FSTL4: variants seen among roughly 807,000 people sequenced by gnomAD.
FSTL4 encodes the protein follistatin-related protein 4.
In FSTL4, 28 loss-of-function variants were observed where a neutral mutation model predicts 78.2. The ratio of observed to expected loss-of-function variants is 0.36; its 90% CI spans 0.27 to 0.49. FSTL4 has a LOEUF of 0.49. Among genes scored for constraint, FSTL4 ranks in the 20% least tolerant of loss-of-function variants. The pLI is 0.98. For synonymous variants in FSTL4, 422 were observed against 440.5 expected, an observed-to-expected ratio of 0.96 and a Z score of 0.53; for missense variants, 922 against 1,084.9, an observed-to-expected ratio of 0.85 and a Z score of 2.11.
intron 4 of FSTL4, among the ~76,000 whole-genome samples, chr5:133,371,900 C>G (rs1755314272): frequency 6.6e-6 from 1 of 152,218 alleles, no homozygotes; most frequent in Non-Finnish European, 1.5e-5. Context: ...TTGTCCACTC[C>G]CAGGGACGGG....
chr5:133,265,274 C>T (rs7735052), intron 6 of FSTL4, among the ~76,000 whole-genome samples: 4,119 of 152,248 alleles, frequency 0.027, 182 homozygotes, highest in African/African-American at 0.095. Context: ...GCGGAACTGC[C>T]GGCCACTCTC....
chr5:133,279,746 C>T (rs558394193), intron 6 of FSTL4, among the ~76,000 whole-genome samples: 1 of 152,298 alleles, frequency 6.6e-6, no homozygotes, highest in East Asian at 1.9e-4. Context: ...TGTCCCCAAC[C>T]CCTCACCAAA....
the FSTL4 span, among the ~76,000 whole-genome samples, chr5:133,779,392 C>G: frequency 6.6e-6 from 1 of 152,144 alleles, no homozygotes; most frequent in Non-Finnish European, 1.5e-5. Flanking sequence ...GGAGACCATC[C>G]TGGCTAACAC....
intron 4 of FSTL4, among the ~76,000 whole-genome samples, chr5:133,379,170 T>C (rs1032977817): frequency 6.6e-6 from 1 of 152,192 alleles, no homozygotes; most frequent in South Asian, 2.1e-4. Context: ...AGGTGTTATA[T>C]AAACAGATAA....
the FSTL4 span, among the ~76,000 whole-genome samples, chr5:133,696,997 C>T: frequency 6.6e-6 from 1 of 152,182 alleles, no homozygotes; most frequent in Non-Finnish European, 1.5e-5. Context: ...CCAGACAATG[C>T]AGCTACCTCA....
At chr5:133,652,442 G>A in the FSTL4 span, among the ~76,000 whole-genome samples, 1 of 151,976 alleles carries the variant, frequency 6.6e-6, no homozygotes, top group Non-Finnish European at 1.5e-5. Flanking sequence ...ATTTTGATAA[G>A]TTGTGTTTTC....
chr5:133,534,467 C>A (rs922528556), intron 3 of FSTL4, among the ~76,000 whole-genome samples: 4 of 152,120 alleles, frequency 2.6e-5, no homozygotes, highest in African/African-American at 9.7e-5. Flanking sequence ...TGATGTATTT[C>A]TTCACACTAT....
the FSTL4 span, among the ~76,000 whole-genome samples, chr5:133,694,336 C>T: frequency 1.3e-5 from 2 of 152,182 alleles, no homozygotes; most frequent in Middle Eastern, 3.2e-3. Flanking sequence ...ACTGAGTTTG[C>T]CTGGGCGATC....
intron 4 of FSTL4, among the ~76,000 whole-genome samples, chr5:133,372,350 C>T (rs1436573014): frequency 1.3e-5 from 2 of 151,908 alleles, no homozygotes; most frequent in African/African-American, 2.4e-5. Context: ...CTAGTCTTTG[C>T]CCCCTGGAGG....
intron 3 of FSTL4, among the ~76,000 whole-genome samples, chr5:133,403,402 C>T (rs1455135579): frequency 1.3e-5 from 2 of 152,186 alleles, no homozygotes; most frequent in Non-Finnish European, 2.9e-5. Context: ...GTCCAAGTGT[C>T]CCTCTCTGAA....
At chr5:133,436,070 A>G (rs950801423) in intron 3 of FSTL4, among the ~76,000 whole-genome samples, 3 of 152,202 alleles carry the variant, frequency 2.0e-5, no homozygotes, top group African/African-American at 7.2e-5. Flanking sequence ...AAAAAAATAC[A>G]ATGCTTACCC....
chr5:133,656,178 AGT>A, the FSTL4 span, among the ~76,000 whole-genome samples: 1 of 152,088 alleles, frequency 6.6e-6, no homozygotes, highest in Non-Finnish European at 1.5e-5. Context: ...GGAGTGAGAA[AGT>A]GAGACAGGGA....
chr5:133,404,685 T>C (rs901078103), intron 3 of FSTL4, among the ~76,000 whole-genome samples: 3 of 151,884 alleles, frequency 2.0e-5, no homozygotes, highest in African/African-American at 7.3e-5. Flanking sequence ...GTACAGGTGG[T>C]GTAATTGAGC....
At chr5:133,493,798 T>C (rs1167733772) in intron 3 of FSTL4, among the ~76,000 whole-genome samples, 1 of 152,214 alleles carries the variant, frequency 6.6e-6, no homozygotes, top group East Asian at 1.9e-4. Flanking sequence ...AATAAACATT[T>C]TCCCCAGTAA....
In FSTL4 at chr5:133,272,339, T is replaced by C. The variant is rs558144783; in HGVS notation, c.728-22763A>G. On this transcript the variant is annotated intron_variant, in intron 6 of 15. Transcript: ENST00000265342. ...ACTCACTGCATTCTTAACGCATTGTTTGTCTGTGGAAAAAGCAGTTTGCCC... is the reference window on the plus strand; with the variant it reads ...ACTCACTGCATTCTTAACGCATTGTCTGTCTGTGGAAAAAGCAGTTTGCCC... 2.6e-5 allele frequency among the ~76,000 whole-genome samples: 4 copies of C among 152,336 alleles called. No individual in the cohort carries two copies. The East Asian group carries it at 7.7e-4, about 29-fold the overall frequency.
chr5:133,328,673 C>T (rs1479401107), intron 4 of FSTL4, among the ~76,000 whole-genome samples: 1 of 152,202 alleles, frequency 6.6e-6, no homozygotes, highest in East Asian at 1.9e-4. Context: ...TCCCCCTTTG[C>T]CCTGTCCAGC....
At chr5:133,716,606 T>C in the FSTL4 span, among the ~76,000 whole-genome samples, 3 of 152,154 alleles carry the variant, frequency 2.0e-5, no homozygotes, top group Non-Finnish European at 2.9e-5. Flanking sequence ...TGGAGGGTGC[T>C]TGTCACTGTG....
chr5:133,727,990 T>C, the FSTL4 span, among the ~76,000 whole-genome samples: 2 of 152,160 alleles, frequency 1.3e-5, no homozygotes, highest in African/African-American at 4.8e-5. Flanking sequence ...TTGCTGGCCC[T>C]TTGTGCATAT....
chr5:133,611,970 G>A lies in FSTL4; in HGVS notation c.-11+355C>T, dbSNP rs941372447. ...GGCGCCTGCAGGATTTCGGAGCCGG[G>A]CGCGAGCTGCGGGCTCGGCCCGAGC... On this transcript the variant is annotated intron_variant, in intron 1 of 15. Coordinates refer to ENST00000265342, the MANE Select transcript of FSTL4 (RefSeq NM_015082.2). The surrounding 1 kb of genome is among the most constrained non-coding windows in gnomAD (Gnocchi z 4.9). Among the ~76,000 whole-genome samples the A allele has an allele frequency of 2.6e-5, 4 of 152,150 alleles. No homozygotes were observed. Among genetic ancestry groups the A allele is most frequent in the Non-Finnish European group, 4.4e-5 (3 of 67,938 alleles).
Sources: allele counts gnomAD v4.1 joint callset (sites outside exome capture counted in the v4.1 genomes callset), GRCh38; gene constraint gnomAD v4.1.1; non-coding constraint Gnocchi (gnomAD v3.1); transcripts MANE v1.5; gene names NCBI Gene and HGNC (gene_info 2026-07-23, HGNC 2026-07-21).